Variants in RAB10 observed in about 807,000 individuals in gnomAD.
The protein encoded by RAB10 is ras-related protein Rab-10.
RAB10 carries 5 observed loss-of-function variants against 25.7 expected under a neutral mutation model. That is an observed-to-expected ratio of 0.19 (90% CI 0.10 to 0.41). RAB10 has a LOEUF of 0.41. Among genes scored for constraint, RAB10 ranks in the 10% least tolerant of loss-of-function variants. The pLI is 1.00. For synonymous variants in RAB10, 89 were observed against 86.4 expected, an observed-to-expected ratio of 1.03 and a Z score of -0.16; for missense variants, 103 against 245.8, an observed-to-expected ratio of 0.42 and a Z score of 3.89.
At chr2:26,101,381 G>A (rs1024219424) in intron 2 of RAB10, 12 of 152,356 alleles carry the variant, frequency 7.9e-5, no homozygotes, top group African/African-American at 2.9e-4. Flanking sequence ...GGTCTTACAA[G>A]ATGGTCAGTG....
intron 3 of RAB10, among the ~76,000 whole-genome samples, chr2:26,122,848 A>G (rs1667833910): frequency 6.6e-6 from 1 of 152,068 alleles, no homozygotes; most frequent in Admixed American, 6.6e-5. Context: ...GTTCCTGGGC[A>G]CCGCTGAACA....
At chr2:26,109,985 A>C in intron 3 of RAB10, 79 bp downstream of exon 3, 12 of 1,343,104 alleles carry the variant, frequency 8.9e-6, no homozygotes, top group Non-Finnish European at 1.2e-5. Flanking sequence ...ATTCCAACTG[A>C]TCTTCAGGAT....
At chr2:26,107,613 T>A (rs952110900) in intron 2 of RAB10, among the ~76,000 whole-genome samples, 2 of 151,910 alleles carry the variant, frequency 1.3e-5, no homozygotes, top group African/African-American at 4.8e-5. Context: ...CTGGCCAACA[T>A]GGTGAAACCC....
At chr2:26,063,725 A>G (rs1373696845) in intron 1 of RAB10, among the ~76,000 whole-genome samples, 1 of 152,138 alleles carries the variant, frequency 6.6e-6, no homozygotes, top group African/African-American at 2.4e-5. Context: ...ATATTCCTTA[A>G]TCTAGAACAG....
chr2:26,067,417 C>T (rs1215389444), intron 1 of RAB10, among the ~76,000 whole-genome samples: 1 of 152,184 alleles, frequency 6.6e-6, no homozygotes, highest in Non-Finnish European at 1.5e-5. Flanking sequence ...ACCACTCATA[C>T]ACATTTCCTA....
rs187997356 is a variant in RAB10 at position 26,132,410 on chromosome 2, C to T, written c.520-2528C>T. Among the ~76,000 whole-genome samples, 40 of 152,220 alleles carry T rather than the reference C, an allele frequency of 2.6e-4. No homozygotes were observed. In the East Asian group the frequency reaches 5.2e-3, roughly 20 times the overall value. ...CGGGGATTACAGGAGCCCGCCACCACGCCTGGCGAATTTTTATATTTTTAC... is the reference window on the plus strand; with the variant it reads ...CGGGGATTACAGGAGCCCGCCACCATGCCTGGCGAATTTTTATATTTTTAC... On this transcript the variant is annotated intron_variant, in intron 5 of 5. Coordinates refer to ENST00000264710, the MANE Select transcript of RAB10 (RefSeq NM_016131.5).
At chr2:26,064,190 T>C (rs1469073263) in intron 1 of RAB10, among the ~76,000 whole-genome samples, 2 of 152,214 alleles carry the variant, frequency 1.3e-5, no homozygotes, top group African/African-American at 4.8e-5. Flanking sequence ...TCTTCCCCTT[T>C]GTAATTAATA....
intron 2 of RAB10, chr2:26,101,824 G>C (rs1471666211): frequency 6.6e-6 from 1 of 152,226 alleles, no homozygotes; most frequent in Non-Finnish European, 1.5e-5. Context: ...CTGGTCCACT[G>C]GCCAGCATAG....
At chr2:26,117,783 TA>T (rs1333688450) in intron 3 of RAB10, among the ~76,000 whole-genome samples, 1 of 152,084 alleles carries the variant, frequency 6.6e-6, no homozygotes, top group African/African-American at 2.4e-5. Context: ...ATGGGACTGA[TA>T]AAAAAGTGCA....
intron 1 of RAB10, among the ~76,000 whole-genome samples, chr2:26,095,692 C>T (rs1574549727): frequency 1.3e-5 from 2 of 151,868 alleles, no homozygotes; most frequent in African/African-American, 4.8e-5. Flanking sequence ...AAGAGGATCA[C>T]TTGAGCCCAG....
intron 1 of RAB10, among the ~76,000 whole-genome samples, chr2:26,048,117 C>T (rs996380540): frequency 1.3e-4 from 19 of 151,566 alleles, no homozygotes; most frequent in Admixed American, 7.2e-4. Context: ...ACCCATTGAC[C>T]GACATCTGGG....
chr2:26,036,660 AAAT>A (rs976374522), intron 1 of RAB10, among the ~76,000 whole-genome samples: 2 of 151,818 alleles, frequency 1.3e-5, no homozygotes, highest in African/African-American at 4.8e-5. Context: ...CTCCGTCTCA[AAAT>A]AATAATAAAT....
At chr2:26,082,013 G>C (rs1368453353) in intron 1 of RAB10, among the ~76,000 whole-genome samples, 2 of 152,064 alleles carry the variant, frequency 1.3e-5, no homozygotes, top group African/African-American at 4.8e-5. Context: ...GAATGAAGAT[G>C]ACAGGAAATG....
In RAB10 at chr2:26,034,171, C is replaced by T. The variant is rs998496347; in HGVS notation, c.-438C>T. On this transcript the variant is annotated 5_prime_UTR_variant, in exon 1 of 6. Transcript: ENST00000264710. Reference sequence around the variant, plus strand: ...GGCTCGGTTTCCTGGGGCTATGTAACTGAGCTCGTCGACTTAGGGGTCCTT... The same window carrying T: ...GGCTCGGTTTCCTGGGGCTATGTAATTGAGCTCGTCGACTTAGGGGTCCTT... 4 of 416,174 alleles carry T rather than the reference C, an allele frequency of 9.6e-6. No individual in the cohort carries two copies. The highest frequency in any genetic ancestry group is 3.4e-5 in the East Asian group (1 of 29,160). 25.8% of individuals were successfully genotyped at this position (416,174 alleles called of 1,614,324 possible).
chr2:26,129,011 G>A (rs1188382108), intron 5 of RAB10, among the ~76,000 whole-genome samples: 3 of 152,168 alleles, frequency 2.0e-5, no homozygotes, highest in South Asian at 2.1e-4. Flanking sequence ...GGTGGCTCAC[G>A]TCTATAATCC....
chr2:26,036,298 C>G (rs1336272519), intron 1 of RAB10, among the ~76,000 whole-genome samples: 1 of 152,128 alleles, frequency 6.6e-6, no homozygotes, highest in Non-Finnish European at 1.5e-5. Context: ...CAATAGTAAG[C>G]ACAGGGAGGA....
chr2:26,110,070 C>T (rs1412056094), intron 3 of RAB10, among the ~76,000 whole-genome samples, 164 bp downstream of exon 3: 4 of 152,114 alleles, frequency 2.6e-5, no homozygotes, highest in Non-Finnish European at 4.4e-5. Context: ...GGCATGGTGG[C>T]TCATGCCTGT....
chr2:26,086,105 A>G (rs1471737656), intron 1 of RAB10, among the ~76,000 whole-genome samples: 1 of 151,600 alleles, frequency 6.6e-6, no homozygotes, highest in Non-Finnish European at 1.5e-5. Context: ...ACCTGAGGCC[A>G]GGAGTTCAAG....
intron 1 of RAB10, among the ~76,000 whole-genome samples, chr2:26,038,750 G>A (rs961565588): frequency 1.3e-5 from 2 of 151,078 alleles, no homozygotes; most frequent in East Asian, 2.0e-4. Context: ...GTGAAACTTC[G>A]TCTCTACTAA....
Sources: gnomAD v4.1 joint callset for allele counts (sites outside exome capture counted in the v4.1 genomes callset) on GRCh38, gnomAD v4.1.1 for gene constraint, MANE v1.5 for transcripts, NCBI Gene and HGNC (gene_info 2026-07-23, HGNC 2026-07-21) for gene names.